Variants in GAD2 observed in about 807,000 individuals in gnomAD.
GAD2 encodes the protein 65 kDa glutamic acid decarboxylase.
In GAD2, 22 loss-of-function variants were observed where a neutral mutation model predicts 80.1. The observed-to-expected ratio is 0.27, with a 90% CI of 0.20 to 0.39. GAD2 has a LOEUF of 0.39. Among genes scored for constraint, GAD2 ranks in the 10% least tolerant of loss-of-function variants. GAD2 has a pLI of 1.00. For missense variants in GAD2, 624 were observed against 738.4 expected, an observed-to-expected ratio of 0.85 and a Z score of 1.80; for synonymous variants, 274 against 256.9, an observed-to-expected ratio of 1.07 and a Z score of -0.64.
intron 9 of GAD2, 31 bp from the exon 10 acceptor site, chr10:26,270,609 T>A: frequency 6.8e-7 from 1 of 1,470,318 alleles, no homozygotes; most frequent in Non-Finnish European, 9.5e-7. Context: ...GACTCTGTTT[T>A]CCATGATTTG....
chr10:26,242,950 G>T (rs1398150767), intron 7 of GAD2, among the ~76,000 whole-genome samples: 1 of 152,054 alleles, frequency 6.6e-6, no homozygotes, highest in Non-Finnish European at 1.5e-5. Context: ...GGGGCAGCTG[G>T]CTGTCTCTTC....
intron 3 of GAD2, chr10:26,218,343 A>C (rs548867261): frequency 8.4e-6 from 2 of 237,986 alleles, no homozygotes; most frequent in East Asian, 1.7e-4. Flanking sequence ...TCAGTTTCCA[A>C]ATACCGTGCC....
chr10:26,241,375 T>C (rs1844739823), intron 7 of GAD2, among the ~76,000 whole-genome samples: 1 of 152,164 alleles, frequency 6.6e-6, no homozygotes, highest in African/African-American at 2.4e-5. Flanking sequence ...TCTGAAGCCA[T>C]TGAAGAGTGA....
chr10:26,278,057 G>T (rs1845232022), intron 11 of GAD2, among the ~76,000 whole-genome samples: 2 of 152,042 alleles, frequency 1.3e-5, no homozygotes, highest in African/African-American at 4.8e-5. Context: ...CAATCTGCAG[G>T]GCTTTTTGCC....
chr10:26,273,650 G>A lies in GAD2; in HGVS notation c.1107G>A (p.Gly369=), dbSNP rs8190729. ...TTTTTTTTCAGGCAGCTTGGGGTGG[G>A]GGATTACTGATGTCCCGAAAACACA... ...IWMHVDAAWG[G]GLLMSRKHKW... is the part of the protein sequence containing the mutation. Residue 369 remains glycine (G), a synonymous_variant, in exon 11 of 16, where the codon GGG becomes GGA. Transcript: ENST00000376261. The A allele has an allele frequency of 1.2e-3, 2,013 of 1,613,460 alleles. 18 individuals are homozygous for A. The African/African-American group carries it at 0.02, about 16-fold the overall frequency.
At chr10:26,226,873 GC>G (rs1844533918) in intron 6 of GAD2, among the ~76,000 whole-genome samples, 1 of 152,238 alleles carries the variant, frequency 6.6e-6, no homozygotes, top group Non-Finnish European at 1.5e-5. Context: ...TTACTGCTCA[GC>G]AGGTCACAAA....
chr10:26,290,999 A>G (rs1834209349), intron 13 of GAD2, among the ~76,000 whole-genome samples: 3 of 152,228 alleles, frequency 2.0e-5, no homozygotes, highest in Non-Finnish European at 1.5e-5. Context: ...CAGGGGAACC[A>G]GAGGTCTTTA....
intron 15 of GAD2, among the ~76,000 whole-genome samples, chr10:26,294,757 A>C (rs1834254890): frequency 6.6e-6 from 1 of 152,200 alleles, no homozygotes; most frequent in Non-Finnish European, 1.5e-5. Flanking sequence ...GGAGGGAATG[A>C]GTAGAGGTCG....
At chr10:26,262,982 C>T (rs550189309) in intron 8 of GAD2, among the ~76,000 whole-genome samples, 33 of 152,122 alleles carry the variant, frequency 2.2e-4, no homozygotes, top group Non-Finnish European at 3.7e-4. Context: ...TCTAATACTA[C>T]CCTTCAAGGG....
At chr10:26,223,771 T>C (rs1032746080) in intron 4 of GAD2, 116 bp from the exon 5 acceptor site, 108 of 646,362 alleles carry the variant, frequency 1.7e-4, no homozygotes, top group Middle Eastern at 1.0e-3. Context: ...TTTCTACTTA[T>C]GGATTTCCTG....
intron 8 of GAD2, among the ~76,000 whole-genome samples, chr10:26,251,598 A>G (rs746277021): frequency 1.3e-5 from 2 of 152,234 alleles, no homozygotes; most frequent in African/African-American, 2.4e-5. Flanking sequence ...TAACCTTTGT[A>G]TCCTTCAGTG....
intron 4 of GAD2, 51 bp downstream of exon 4, chr10:26,219,327 TTTTA>T (rs754011756): frequency 1.0e-5 from 12 of 1,198,056 alleles, no homozygotes; most frequent in Non-Finnish European, 1.2e-5. Context: ...ACAATTTTTA[TTTTA>T]TTTTTTTCTA....
chr10:26,268,111 A>T (rs1845092732), intron 8 of GAD2, among the ~76,000 whole-genome samples: 2 of 152,238 alleles, frequency 1.3e-5, no homozygotes. Context: ...AAAAACCTAG[A>T]TCAATGACCC....
At chr10:26,253,298 G>C (rs963389203) in intron 8 of GAD2, among the ~76,000 whole-genome samples, 1 of 152,106 alleles carries the variant, frequency 6.6e-6, no homozygotes, top group African/African-American at 2.4e-5. Context: ...ACAGCTTGAG[G>C]TTTCCTTTCC....
chr10:26,269,036 C>G, intron 8 of GAD2, 83 bp from the exon 9 acceptor site: 1 of 1,001,208 alleles, frequency 1.0e-6, no homozygotes, highest in South Asian at 1.7e-5. Flanking sequence ...TGGGGTTGGA[C>G]TTTACCCTCC....
In GAD2 at chr10:26,270,719, A is replaced by T; in HGVS notation, c.1055A>T (p.Asp352Val). 1 of 1,614,066 alleles carries T rather than the reference A, an allele frequency of 6.2e-7. No homozygotes were observed. The highest frequency in any genetic ancestry group is 8.5e-7 in the Non-Finnish European group (1 of 1,179,902). The change falls in exon 10 of 16, where the codon GAC becomes GTC. Residue 352 changes from aspartate to valine, a missense_variant. Physicochemically the swap from Asp to Val is radical, Grantham distance 152. Coordinates refer to ENST00000376261, the MANE Select transcript of GAD2 (RefSeq NM_001134366.2). ...TTTGACCCCCTCTTAGCTGTCGCTGACATTTGCAAAAAGTATAAGATCTGG... is the reference window on the plus strand; with the variant it reads ...TTTGACCCCCTCTTAGCTGTCGCTGTCATTTGCAAAAAGTATAAGATCTGG... ...GAFDPLLAVA[D>V]ICKKYKIWMH...
intron 8 of GAD2, among the ~76,000 whole-genome samples, chr10:26,262,156 A>G (rs186723762): frequency 3.1e-4 from 47 of 152,170 alleles, no homozygotes; most frequent in Admixed American, 7.9e-4. Flanking sequence ...ATAAGAGTTT[A>G]AAGAGCATTA....
chr10:26,263,860 G>C (rs567560212), intron 8 of GAD2, among the ~76,000 whole-genome samples: 30 of 152,198 alleles, frequency 2.0e-4, no homozygotes, highest in African/African-American at 6.7e-4. Flanking sequence ...CTCAATCCAG[G>C]GGGCTTCCAG....
At chr10:26,276,721 C>T (rs1054511540) in intron 11 of GAD2, among the ~76,000 whole-genome samples, 1 of 152,204 alleles carries the variant, frequency 6.6e-6, no homozygotes, top group Admixed American at 6.5e-5. Flanking sequence ...TTAGTCTCTC[C>T]TGCCCACAGG....
Sources: gnomAD v4.1 joint callset for allele counts (sites outside exome capture counted in the v4.1 genomes callset) on GRCh38, gnomAD v4.1.1 for gene constraint, MANE v1.5 for transcripts, NCBI Gene and HGNC (gene_info 2026-07-23, HGNC 2026-07-21) for gene names.